Variants in ANKMY1 observed in about 807,000 individuals in gnomAD.
The protein encoded by ANKMY1 is ankyrin repeat and MYND domain-containing protein 1.
A neutral mutation model predicts 102.0 loss-of-function variants in ANKMY1; 98 were observed. That is an observed-to-expected ratio of 0.96 (90% CI 0.82 to 1.14). The LOEUF (loss-of-function observed/expected upper bound fraction) is 1.14. Among genes scored for constraint, ANKMY1 ranks in the 50% most tolerant of loss-of-function variants. ANKMY1 has a pLI of 0.00. For missense variants in ANKMY1, 1,330 were observed against 1,347.6 expected, an observed-to-expected ratio of 0.99 and a Z score of 0.20; for synonymous variants, 582 against 559.9, an observed-to-expected ratio of 1.04 and a Z score of -0.56.
At chr2:240,485,882 C>T (rs1416649355) in intron 15 of ANKMY1, among the ~76,000 whole-genome samples, 1 of 152,186 alleles carries the variant, frequency 6.6e-6, no homozygotes, top group Non-Finnish European at 1.5e-5. Context: ...TGTGAGCCAC[C>T]ATGCCTGGCC....
At chr2:240,537,885 C>T (rs1260267842) in intron 4 of ANKMY1, among the ~76,000 whole-genome samples, 1 of 152,178 alleles carries the variant, frequency 6.6e-6, no homozygotes, top group Non-Finnish European at 1.5e-5. Flanking sequence ...TCAAATAAGG[C>T]AAACACTGAG....
chr2:240,478,957 C>T (rs2075048918), downstream of ANKMY1, among the ~76,000 whole-genome samples: 1 of 152,208 alleles, frequency 6.6e-6, no homozygotes, highest in African/African-American at 2.4e-5. Context: ...TGCGCATCTT[C>T]CCCTGCCCTC....
At chr2:240,560,344 G>A, upstream of ANKMY1, 1 of 208,118 alleles carries the variant, frequency 4.8e-6, no homozygotes, top group Non-Finnish European at 9.5e-6. Context: ...GCAGGGCGCT[G>A]CGCCCAAGAG....
chr2:240,512,283 C>T (rs569726921), intron 10 of ANKMY1, among the ~76,000 whole-genome samples: 76 of 152,326 alleles, frequency 5.0e-4, no homozygotes, highest in Non-Finnish European at 9.7e-4. Flanking sequence ...TGTTCGTGCG[C>T]TCAATGGCTC....
rs532119640 is a variant in ANKMY1, at chr2:240,539,655, G to C, written c.481-10146C>G. Among the ~76,000 whole-genome samples, 3 of 152,292 alleles carry C rather than the reference G, an allele frequency of 2.0e-5. No individual in the cohort carries two copies. The South Asian group carries it at 6.2e-4, about 32-fold the overall frequency. ...ATAAACTATGGTAGCTCCACACAAT[G>C]AAAATGTATTAAGCAATAAAAAGGA... On this transcript the variant is annotated intron_variant, in intron 4 of 17. Coordinates refer to ENST00000401804, the MANE Select transcript of ANKMY1 (RefSeq NM_001282771.3).
At chr2:240,484,676 T>C (rs1208332753) in intron 15 of ANKMY1, among the ~76,000 whole-genome samples, 2 of 152,088 alleles carry the variant, frequency 1.3e-5, no homozygotes, top group African/African-American at 2.4e-5. Flanking sequence ...CCAAAAGCAA[T>C]GGCAACAAAA....
chr2:240,479,749 C>G (rs2075128716), intron 17 of ANKMY1, 94 bp from the exon 18 acceptor site: 1 of 1,115,708 alleles, frequency 9.0e-7, no homozygotes, highest in Non-Finnish European at 1.3e-6. Context: ...TGTGGGGCGG[C>G]TGAGGACTGT....
rs551763451 is a variant in ANKMY1, at chr2:240,503,608, A to G, written c.2527-3043T>C. 7.3e-4 allele frequency among the ~76,000 whole-genome samples: 111 copies of G among 152,216 alleles called. 2 individuals are homozygous for G. Among genetic ancestry groups the G allele is most frequent in the African/African-American group, 2.6e-3 (107 of 41,526 alleles). On this transcript the variant is annotated intron_variant, in intron 13 of 17. Coordinates refer to ENST00000401804, the MANE Select transcript of ANKMY1 (RefSeq NM_001282771.3). ...TATTCAGGAGGCCTGGTGACCCCAG[A>G]CCCTGAACAAGCTCCACCTCAGGCC...
At chr2:240,530,067 G>A (rs2084954491) in intron 4 of ANKMY1, among the ~76,000 whole-genome samples, 1 of 152,150 alleles carries the variant, frequency 6.6e-6, no homozygotes, top group African/African-American at 2.4e-5. Flanking sequence ...AAGAAGGGGA[G>A]CCAATCCTTG....
At chr2:240,544,949 C>T (rs2089992651) in intron 4 of ANKMY1, among the ~76,000 whole-genome samples, 1 of 152,238 alleles carries the variant, frequency 6.6e-6, no homozygotes, top group South Asian at 2.1e-4. Flanking sequence ...CCCGCCATTG[C>T]CCAGGCTTGC....
intron 15 of ANKMY1, among the ~76,000 whole-genome samples, chr2:240,489,339 C>T (rs1005858896): frequency 2.6e-5 from 4 of 152,028 alleles, no homozygotes; most frequent in African/African-American, 9.7e-5. Context: ...ACCTGTAATC[C>T]CAGCTACTCT....
Position 240,520,449 on chromosome 2 carries a change from C to G in ANKMY1, c.1917G>C (p.Leu639=), listed in dbSNP as rs1369645977. 5.0e-6 allele frequency: 8 copies of G among 1,613,240 alleles called. No homozygotes were observed. The African/African-American group carries it at 1.1e-4, about 22-fold the overall frequency. ...PNLCCVPMQV[L]FLAVKAGDVD... is the part of the protein sequence containing the mutation. ...CGTCCCCGGCCTTCACAGCAAGGAA[C>G]AGGACCTGCATGGGCACGCAGCACA... The change falls in exon 9 of 18, where the codon CTG becomes CTC. Residue 639 remains leucine, a synonymous_variant. Coordinates refer to ENST00000401804, the MANE Select transcript of ANKMY1 (RefSeq NM_001282771.3). The surrounding 1 kb of genome is among the most constrained non-coding windows in gnomAD (Gnocchi z 4.8).
upstream of ANKMY1, chr2:240,557,993 A>C: frequency 2.0e-6 from 2 of 985,320 alleles, no homozygotes; most frequent in Non-Finnish European, 1.2e-6. Flanking sequence ...GCCTACGGAG[A>C]GCGTCGCGTT....
At chr2:240,497,860 C>G (rs566868963) in intron 15 of ANKMY1, among the ~76,000 whole-genome samples, 1 of 152,162 alleles carries the variant, frequency 6.6e-6, no homozygotes, top group Non-Finnish European at 1.5e-5. Context: ...GATACTTCTC[C>G]GTAAGTGACA....
chr2:240,474,385 G>T, the ANKMY1 span, among the ~76,000 whole-genome samples: 1 of 151,154 alleles, frequency 6.6e-6, no homozygotes, highest in Non-Finnish European at 1.5e-5. Context: ...GGGATTACAG[G>T]CGTGAGCCAC....
At position 240,524,364 on chromosome 2, in the gene ANKMY1, T is replaced by G; in HGVS notation, c.1353A>C (p.Pro451=). The change falls in exon 8 of 18, where the codon CCA becomes CCC. Residue 451 remains proline, a synonymous_variant. Transcript: ENST00000401804. ...IPEPQEPPKF[P]VVPILSSSFM... is the part of the protein sequence containing the mutation. ...ATGATGATGAAAGGATTGGAACAACTGGGAATTTTGGAGGTTCCTTTGGAA... is the reference window on the plus strand; with the variant it reads ...ATGATGATGAAAGGATTGGAACAACGGGGAATTTTGGAGGTTCCTTTGGAA... The G allele has an allele frequency of 1.3e-6, 2 of 1,592,242 alleles. No homozygotes were observed. Among genetic ancestry groups the G allele is most frequent in the African/African-American group, 1.3e-5 (1 of 74,170 alleles).
chr2:240,523,439 C>G (rs143868765), intron 8 of ANKMY1: 67 of 181,758 alleles, frequency 3.7e-4, no homozygotes, highest in Middle Eastern at 2.6e-3. Context: ...GGGTCTTGGA[C>G]CCCCGGGGGT....
intron 15 of ANKMY1, among the ~76,000 whole-genome samples, chr2:240,484,765 A>G (rs1357712133): frequency 1.3e-5 from 2 of 152,194 alleles, no homozygotes; most frequent in Non-Finnish European, 2.9e-5. Flanking sequence ...TGAACAGGCA[A>G]CCTACAGAAT....
intron 4 of ANKMY1, among the ~76,000 whole-genome samples, chr2:240,550,893 T>C (rs1362819224): frequency 1.3e-5 from 2 of 152,188 alleles, no homozygotes; most frequent in African/African-American, 4.8e-5. Flanking sequence ...TCCACAATTG[T>C]TTTGCTTTGA....
Sources: allele counts gnomAD v4.1 joint callset (sites outside exome capture counted in the v4.1 genomes callset), GRCh38; gene constraint gnomAD v4.1.1; non-coding constraint Gnocchi (gnomAD v3.1); transcripts MANE v1.5; gene names NCBI Gene and HGNC (gene_info 2026-07-23, HGNC 2026-07-21).